The following CERS6 variants were observed in gnomAD, a reference collection of about 807,000 sequenced individuals.
The protein encoded by CERS6 is LAG1 homolog, ceramide synthase 6.
Under a neutral mutation model 56.8 loss-of-function variants are expected in CERS6, and 26 were observed. That is an observed-to-expected ratio of 0.46 (90% CI 0.34 to 0.63). The LOEUF (loss-of-function observed/expected upper bound fraction) is 0.63, where lower values mean the gene tolerates loss of function less well. Ranked by LOEUF, CERS6 falls within the 30% of genes least tolerant of loss-of-function variation. CERS6 has a pLI of 0.01. For synonymous variants in CERS6, 164 were observed against 173.3 expected, an observed-to-expected ratio of 0.95 and a Z score of 0.42; for missense variants, 415 against 467.5, an observed-to-expected ratio of 0.89 and a Z score of 1.04.
At chr2:168,645,116 AATATATAT>A (rs1553503151) in intron 4 of CERS6, among the ~76,000 whole-genome samples, 1 of 19,018 alleles carries the variant, frequency 5.3e-5, no homozygotes, top group Non-Finnish European at 1.0e-4. Flanking sequence ...AAAAAAAAAA[AATATATAT>A]ATATATATAT....
chr2:168,640,735 T>A (rs1684969156), intron 4 of CERS6, among the ~76,000 whole-genome samples: 1 of 152,222 alleles, frequency 6.6e-6, no homozygotes, highest in Non-Finnish European at 1.5e-5. Flanking sequence ...TGAGGCTTTG[T>A]GATAAGTGGA....
intron 1 of CERS6, among the ~76,000 whole-genome samples, chr2:168,473,435 G>GT (rs541145212): frequency 6.6e-6 from 1 of 151,946 alleles, no homozygotes; most frequent in African/African-American, 2.4e-5. Context: ...TAAGATGATT[G>GT]TTTTTTCAGG....
chr2:168,641,638 G>A (rs981548805), intron 4 of CERS6, among the ~76,000 whole-genome samples: 1 of 152,184 alleles, frequency 6.6e-6, no homozygotes, highest in Non-Finnish European at 1.5e-5. Flanking sequence ...TAGGTTGGAA[G>A]GTTGTTTTGC....
At chr2:168,690,581 T>C (rs1271100960) in intron 4 of CERS6, among the ~76,000 whole-genome samples, 1 of 152,178 alleles carries the variant, frequency 6.6e-6, no homozygotes, top group Non-Finnish European at 1.5e-5. Context: ...CACTGAACCC[T>C]GGTCAAGGCA....
intron 1 of CERS6, among the ~76,000 whole-genome samples, chr2:168,532,774 A>G (rs1374803114): frequency 6.6e-6 from 1 of 152,214 alleles, no homozygotes; most frequent in African/African-American, 2.4e-5. Flanking sequence ...AACATTTTTT[A>G]AAGAATATAA....
chr2:168,583,563 T>G (rs964675643), intron 3 of CERS6, among the ~76,000 whole-genome samples: 34 of 152,240 alleles, frequency 2.2e-4, no homozygotes, highest in African/African-American at 8.0e-4. Flanking sequence ...TCCCTGGGTC[T>G]TAGACCAAAC....
Position 168,772,058 on chromosome 2 carries a change from T to C in CERS6, c.*2396T>C, listed in dbSNP as rs1416539332. 1.3e-5 allele frequency: 2 copies of C among 152,218 alleles called. No homozygotes were observed. The highest frequency in any genetic ancestry group is 2.9e-5 in the Non-Finnish European group (2 of 68,034). The allele number at this position is 152,218 out of a possible 1,614,324, so 9.4% of individuals were successfully genotyped here. A position where few individuals can be genotyped will look rare whatever the true frequency, so the allele number is the denominator to read the frequency against. On this transcript the variant is annotated 3_prime_UTR_variant, in exon 10 of 10. Coordinates refer to ENST00000305747, the MANE Select transcript of CERS6 (RefSeq NM_203463.3). ...TTTATGGTGAAGAATAATATATCTCTGTCTATAGCTTTCCCATGGTAGCCT... is the reference window on the plus strand; with the variant it reads ...TTTATGGTGAAGAATAATATATCTCCGTCTATAGCTTTCCCATGGTAGCCT...
intron 2 of CERS6, among the ~76,000 whole-genome samples, chr2:168,551,779 T>C (rs1695576818): frequency 6.6e-6 from 1 of 152,232 alleles, no homozygotes; most frequent in African/African-American, 2.4e-5. Flanking sequence ...TTACGGATTG[T>C]CAGACCCATT....
At chr2:168,732,740 C>G (rs1683581265) in intron 8 of CERS6, among the ~76,000 whole-genome samples, 1 of 152,120 alleles carries the variant, frequency 6.6e-6, no homozygotes, top group Admixed American at 6.6e-5. Context: ...TTCTCTCTCC[C>G]TTTTTTTAAA....
intron 6 of CERS6, among the ~76,000 whole-genome samples, chr2:168,696,655 C>T (rs1474453348): frequency 2.0e-5 from 3 of 152,182 alleles, no homozygotes; most frequent in Admixed American, 1.3e-4. Context: ...CAACAGCCCA[C>T]TTTCTCATAG....
intron 3 of CERS6, among the ~76,000 whole-genome samples, chr2:168,623,248 A>G (rs1336569050): frequency 6.6e-6 from 1 of 152,170 alleles, no homozygotes; most frequent in East Asian, 1.9e-4. Flanking sequence ...ATTACCAGGG[A>G]TAGGAGTGGG....
chr2:168,457,634 T>A (rs1206179890), intron 1 of CERS6, among the ~76,000 whole-genome samples: 1 of 152,182 alleles, frequency 6.6e-6, no homozygotes, highest in Non-Finnish European at 1.5e-5. Context: ...ATTTCTTAGA[T>A]CACAAAGTAG....
At chr2:168,583,347 GAGA>G (rs1376280553) in intron 3 of CERS6, among the ~76,000 whole-genome samples, 1 of 152,270 alleles carries the variant, frequency 6.6e-6, no homozygotes, top group Middle Eastern at 3.4e-3. Context: ...AAAAGTGTGA[GAGA>G]AGAAGACACT....
At chr2:168,680,170 G>A (rs17250088) in intron 4 of CERS6, among the ~76,000 whole-genome samples, 348 of 152,260 alleles carry the variant, frequency 2.3e-3, no homozygotes, top group Non-Finnish European at 4.3e-3. Flanking sequence ...GAGTAGTTCC[G>A]GCAAGGAGAT....
At chr2:168,487,909 A>T (rs1295917825) in intron 1 of CERS6, among the ~76,000 whole-genome samples, 1 of 152,034 alleles carries the variant, frequency 6.6e-6, no homozygotes, top group African/African-American at 2.4e-5. Flanking sequence ...TTGTAGAGAC[A>T]GGGTGTTGCC....
intron 1 of CERS6, among the ~76,000 whole-genome samples, chr2:168,543,913 A>G (rs1359173492): frequency 6.6e-6 from 1 of 152,166 alleles, no homozygotes; most frequent in Non-Finnish European, 1.5e-5. Flanking sequence ...CTGGGTCCCA[A>G]ATGACCCTGA....
rs1349088956 is a variant in CERS6 at position 168,771,926 on chromosome 2, A to G, written c.*2264A>G. On this transcript the variant is annotated 3_prime_UTR_variant, in exon 10 of 10. Transcript: ENST00000305747. ...GGAACACTTGGGGTCTCTCTAACTG[A>G]TGGCATTCACTTCACACAGTCGTCT... The G allele has an allele frequency of 6.6e-6, 1 of 152,194 alleles. No homozygotes were observed. The highest frequency in any genetic ancestry group is 2.4e-5 in the African/African-American group (1 of 41,452). The allele number at this position is 152,194 out of a possible 1,614,324, so 9.4% of individuals were successfully genotyped here.
chr2:168,685,690 C>T (rs914298615), intron 4 of CERS6, among the ~76,000 whole-genome samples: 1 of 151,994 alleles, frequency 6.6e-6, no homozygotes, highest in Non-Finnish European at 1.5e-5. Context: ...GTCAAAATGT[C>T]GATGAAGGCT....
At chr2:168,651,088 GT>G (rs1685330490) in intron 4 of CERS6, among the ~76,000 whole-genome samples, 1 of 152,142 alleles carries the variant, frequency 6.6e-6, no homozygotes, top group African/African-American at 2.4e-5. Context: ...CAGTAAATCT[GT>G]GCTGAAATTT....
Sources: allele counts gnomAD v4.1 joint callset (sites outside exome capture counted in the v4.1 genomes callset), GRCh38; gene constraint gnomAD v4.1.1; transcripts MANE v1.5; gene names NCBI Gene and HGNC (gene_info 2026-07-23, HGNC 2026-07-21).